Variants in ESRRB observed in about 807,000 individuals in gnomAD.
The protein encoded by ESRRB is estrogen related receptor beta.
Under a neutral mutation model 46.0 loss-of-function variants are expected in ESRRB, and 16 were observed. The observed-to-expected ratio is 0.35, with a 90% confidence interval of 0.24 to 0.53. ESRRB has a LOEUF of 0.53. ESRRB is among the 20% of genes least tolerant of loss of function. ESRRB has a pLI of 0.93. For missense variants in ESRRB, 488 were observed against 607.4 expected, an observed-to-expected ratio of 0.80 and a Z score of 2.07; for synonymous variants, 246 against 259.6, an observed-to-expected ratio of 0.95 and a Z score of 0.50.
chr14:76,439,708 T>G lies in ESRRB; in HGVS notation c.418T>G (p.Ser140Ala). 1 of 1,614,106 alleles carries G rather than the reference T, an allele frequency of 6.2e-7. No individual in the cohort carries two copies. The highest frequency in any genetic ancestry group is 8.5e-7 in the Non-Finnish European group (1 of 1,179,934). Reference sequence around the variant, plus strand: ...CTCTGGCTACCACTACGGCGTGGCCTCCTGCGAGGCTTGCAAGGCCTTCTT... The same window carrying G: ...CTCTGGCTACCACTACGGCGTGGCCGCCTGCGAGGCTTGCAAGGCCTTCTT... Reference protein sequence around the residue: ...IASGYHYGVASCEACKAFFKR... With the variant: ...IASGYHYGVAACEACKAFFKR... The change falls in exon 2 of 7, where the codon TCC becomes GCC. Residue 140 changes from serine (S) to alanine (A), a missense_variant. Coordinates refer to ENST00000644823, the MANE Select transcript of ESRRB (RefSeq NM_001379180.1).
intron 1 of ESRRB, among the ~76,000 whole-genome samples, chr14:76,313,561 T>A (rs1316488500): frequency 1.3e-5 from 2 of 152,174 alleles, no homozygotes; most frequent in African/African-American, 2.4e-5. Context: ...TGCTTTGGAA[T>A]GCAGCAGGCT....
Position 76,356,639 on chromosome 14 carries a change from T to G in ESRRB, c.2+45723T>G, listed in dbSNP as rs28501474. 3.4e-3 allele frequency among the ~76,000 whole-genome samples: 512 copies of G among 152,278 alleles called. 1 individual carries two copies. Among genetic ancestry groups the G allele is most frequent in the African/African-American group, 0.011 (474 of 41,564 alleles). ...ACATGGCCCCATGTGTGCACCCTCT[T>G]TTTAGACCTCCCCACTCTGTGCTAA... On this transcript the variant is annotated intron_variant, in intron 1 of 6. Transcript: ENST00000512784.
intron 1 of ESRRB, among the ~76,000 whole-genome samples, chr14:76,389,038 C>T (rs866160996): frequency 6.6e-6 from 1 of 152,174 alleles, no homozygotes; most frequent in Admixed American, 6.5e-5. Flanking sequence ...AGGCACCCCC[C>T]ACCAAGCCAA....
chr14:76,466,710 C>T lies in ESRRB; in HGVS notation c.577+4049C>T, dbSNP rs149903642. On this transcript the variant is annotated intron_variant, in intron 3 of 6. Coordinates refer to ENST00000644823, the MANE Select transcript of ESRRB (RefSeq NM_001379180.1). ...CCCCTGGTTATTAGGTATTTTTGCCCGTGTAATTTTTTTTTTTTCTTTTGA... is the reference window on the plus strand; with the variant it reads ...CCCCTGGTTATTAGGTATTTTTGCCTGTGTAATTTTTTTTTTTTCTTTTGA... Among the ~76,000 whole-genome samples the T allele has an allele frequency of 5.6e-4, 84 of 151,250 alleles. 2 individuals carry two copies. The highest frequency in any genetic ancestry group is 4.9e-3 in the Admixed American group (75 of 15,216).
At chr14:76,438,579 G>C (rs140521905) in intron 1 of ESRRB, among the ~76,000 whole-genome samples, 1 of 151,734 alleles carries the variant, frequency 6.6e-6, no homozygotes, top group Non-Finnish European at 1.5e-5. Context: ...CAGGAGAATC[G>C]CTTGAACCCA....
chr14:76,347,102 C>T (rs573724735), intron 1 of ESRRB, among the ~76,000 whole-genome samples: 1 of 152,174 alleles, frequency 6.6e-6, no homozygotes, highest in Non-Finnish European at 1.5e-5. Flanking sequence ...CTCTTGGAAA[C>T]AAGCAGTCTC....
intron 1 of ESRRB, chr14:76,311,012 C>CTCTCTCTCTCTG (rs1348749681): frequency 2.6e-6 from 1 of 391,038 alleles, no homozygotes; most frequent in African/African-American, 2.6e-5. Context: ...CTCTCTCTCT[C>CTCTCTCTCTCTG]TCTCTCTCAA....
At chr14:76,475,053 A>AC (rs768073529) in intron 3 of ESRRB, among the ~76,000 whole-genome samples, 16 of 152,102 alleles carry the variant, frequency 1.1e-4, no homozygotes, top group African/African-American at 2.7e-4. Context: ...ACATAGTGAG[A>AC]CCCCCATCTT....
intron 1 of ESRRB, among the ~76,000 whole-genome samples, chr14:76,397,223 C>G (rs940245648): frequency 6.6e-6 from 1 of 152,208 alleles, no homozygotes; most frequent in Non-Finnish European, 1.5e-5. Context: ...ACTTGCACCT[C>G]CAGAGGCTGC....
At chr14:76,338,461 G>A (rs1227807559) in intron 1 of ESRRB, among the ~76,000 whole-genome samples, 28 of 152,186 alleles carry the variant, frequency 1.8e-4, no homozygotes. Context: ...CATCAAAGAT[G>A]GTTCCTCACA....
chr14:76,405,827 C>G (rs2139849878), intron 1 of ESRRB, among the ~76,000 whole-genome samples: 1 of 151,942 alleles, frequency 6.6e-6, no homozygotes, highest in Non-Finnish European at 1.5e-5. Flanking sequence ...TCACTTGAGC[C>G]AAGGAATATG....
In ESRRB at chr14:76,500,420, T is replaced by C. The variant is rs1430453798; in HGVS notation, c.*1962T>C. 1.4e-5 allele frequency: 8 copies of C among 589,340 alleles called. No homozygotes were observed. The highest frequency in any genetic ancestry group is 4.2e-5 in the South Asian group (2 of 47,096). The allele number at this position is 589,340 out of a possible 1,614,324, so 36.5% of individuals were successfully genotyped here. A position where few individuals can be genotyped will look rare whatever the true frequency, so the allele number is the denominator to read the frequency against. ...CCCTCATTTGGGTGGAGGCACACAT[T>C]TGGGGCAAAGGCCCCTTCTTGGCAT... On this transcript the variant is annotated 3_prime_UTR_variant, in exon 7 of 7. Coordinates refer to ENST00000644823, the MANE Select transcript of ESRRB (RefSeq NM_001379180.1).
chr14:76,416,217 C>A (rs1886694151), intron 1 of ESRRB, among the ~76,000 whole-genome samples: 1 of 148,664 alleles, frequency 6.7e-6, no homozygotes, highest in Non-Finnish European at 1.5e-5. Context: ...CTCACTGCAA[C>A]CTCTTGGCTC....
intron 2 of ESRRB, among the ~76,000 whole-genome samples, chr14:76,458,905 C>T (rs1400240357): frequency 7.0e-6 from 1 of 143,652 alleles, no homozygotes; most frequent in Admixed American, 7.4e-5. Context: ...AGTGCAGTGG[C>T]GCGATCTCGG....
At chr14:76,413,257 C>A (rs1886517325) in intron 1 of ESRRB, among the ~76,000 whole-genome samples, 1 of 152,166 alleles carries the variant, frequency 6.6e-6, no homozygotes, top group Non-Finnish European at 1.5e-5. Flanking sequence ...GGTGTTGAAT[C>A]TTCTAGCTGG....
chr14:76,360,606 C>T (rs1485747942), intron 1 of ESRRB, among the ~76,000 whole-genome samples: 1 of 152,168 alleles, frequency 6.6e-6, no homozygotes, highest in Non-Finnish European at 1.5e-5. Context: ...ACAGACTTCT[C>T]CTCCCTTTCC....
At chr14:76,446,797 C>T (rs1206788349) in intron 2 of ESRRB, among the ~76,000 whole-genome samples, 3 of 152,158 alleles carry the variant, frequency 2.0e-5, no homozygotes, top group Non-Finnish European at 2.9e-5. Context: ...TGCATGGCAT[C>T]CCTGAGCTTA....
chr14:76,432,671 C>CTTTTTTTTTTTTTTTTTTTT (rs529243634), intron 1 of ESRRB, among the ~76,000 whole-genome samples: 1 of 111,474 alleles, frequency 9.0e-6, no homozygotes. Flanking sequence ...TTCTCTCTCT[C>CTTTTTTTTTTTTTTTTTTTT]TTTTTTTTTT....
In ESRRB at chr14:76,394,764, C is replaced by T. The variant is rs1382807210; in HGVS notation, c.50+18313C>T. On this transcript the variant is annotated intron_variant, in intron 1 of 6. Coordinates refer to ENST00000644823, the MANE Select transcript of ESRRB (RefSeq NM_001379180.1). ...TTCTGAGTACCTAAATGGTGAGCCT[C>T]GGGCCAGGCAGTGCAGATCAGTGAT... 3.9e-5 allele frequency among the ~76,000 whole-genome samples: 6 copies of T among 152,260 alleles called. No individual in the cohort carries two copies. The East Asian group carries it at 5.8e-4, about 15-fold the overall frequency.
Sources: gnomAD v4.1 joint callset for allele counts (sites outside exome capture counted in the v4.1 genomes callset) on GRCh38, gnomAD v4.1.1 for gene constraint, MANE v1.5 for transcripts, NCBI Gene and HGNC (gene_info 2026-07-23, HGNC 2026-07-21) for gene names.